KCNQ1: variants seen among roughly 807,000 people sequenced by gnomAD.
The protein encoded by KCNQ1 is potassium voltage-gated channel subfamily Q member 1, also known as potassium voltage-gated channel subfamily KQT member 1.
A neutral mutation model predicts 72.4 loss-of-function variants in KCNQ1; 49 were observed. That is an observed-to-expected ratio of 0.68 (90% CI 0.54 to 0.86). The LOEUF is 0.86. KCNQ1 is among the 40% of genes least tolerant of loss of function. The pLI is 0.00. For synonymous variants in KCNQ1, 450 were observed against 412.6 expected (o/e 1.09, Z -1.10); for missense variants, 790 against 945.1 (o/e 0.84, Z 2.15).
chr11:2,550,888 G>A lies in KCNQ1; in HGVS notation c.478-19740G>A, dbSNP rs534812650. 3.2e-4 allele frequency among the ~76,000 whole-genome samples: 48 copies of A among 152,144 alleles called. No individual in the cohort carries two copies. In the South Asian group the frequency reaches 9.3e-3, roughly 30 times the overall value. On this transcript the variant is annotated intron_variant, in intron 2 of 15. Transcript: ENST00000155840. This position sits in a 1 kb window ranked among gnomAD's most constrained non-coding sequence, Gnocchi z 6.0. ...TGGGGAGGCTGCCAAGTGAGGGGGG[G>A]GCACAGACTGAGACAGGGTCCCCGT... is the stretch of plus-strand genomic sequence containing the variant.
rs530607891 is a variant in KCNQ1, at chr11:2,651,384, G to A, written c.1394-10577G>A. On this transcript the variant is annotated intron_variant, in intron 10 of 15. Transcript: ENST00000155840. The surrounding 1 kb of genome is among the most constrained non-coding windows in gnomAD (Gnocchi z 6.1). ...ATCTTTCACTAGTGAGTGCTGCCCC[G>A]GTGGTGGCTCACTTTCCATTCCTTT... 14 of 398,714 alleles carry A rather than the reference G, an allele frequency of 3.5e-5. No homozygotes were observed. The Admixed American group carries it at 3.5e-4, about 10-fold the overall frequency. 24.7% of individuals were successfully genotyped at this position (398,714 alleles called of 1,614,324 possible).
rs965508053 is a variant in KCNQ1, at chr11:2,498,255, A to G, written c.387-29673A>G. Among the ~76,000 whole-genome samples, 5 of 152,200 alleles carry G rather than the reference A, an allele frequency of 3.3e-5. No homozygotes were observed. The highest frequency in any genetic ancestry group is 1.2e-4 in the African/African-American group (5 of 41,458). On this transcript the variant is annotated intron_variant, in intron 1 of 15. Transcript: ENST00000155840. The surrounding 1 kb of genome is among the most constrained non-coding windows in gnomAD (Gnocchi z 4.8). ...GCTGCTCTCTTCAGAGCCAGCAGGC[A>G]GGAGAGTTCAAGTCTGCTGAAGCTG...
intron 15 of KCNQ1, among the ~76,000 whole-genome samples, chr11:2,779,640 C>T (rs1306040969): frequency 6.6e-6 from 1 of 152,166 alleles, no homozygotes; most frequent in Non-Finnish European, 1.5e-5. Context: ...TCTGCCCCTG[C>T]TCCATGGGAC....
chr11:2,535,866 G>A (rs893304479), intron 2 of KCNQ1, among the ~76,000 whole-genome samples: 2 of 152,222 alleles, frequency 1.3e-5, no homozygotes, highest in South Asian at 2.1e-4. Flanking sequence ...GCTGCTCCCC[G>A]GAGGCAGCCA....
chr11:2,630,716 C>T, intron 10 of KCNQ1: 1 of 398,364 alleles, frequency 2.5e-6, no homozygotes, highest in Non-Finnish European at 4.4e-6. Context: ...AATTATCATC[C>T]TTCCATTTAA....
chr11:2,778,767 G>A (rs1846762600), intron 15 of KCNQ1, among the ~76,000 whole-genome samples: 1 of 152,258 alleles, frequency 6.6e-6, no homozygotes, highest in South Asian at 2.1e-4. Context: ...AAGTAGCTGA[G>A]AGGCTAAAAA....
In KCNQ1 at chr11:2,847,864, C is replaced by A. The variant is rs1432436411; in HGVS notation, c.1892C>A (p.Pro631His). Residue 631 changes from proline to histidine, a missense_variant, in exon 16 of 16, where the codon CCC becomes CAC. Coordinates refer to ENST00000155840, the MANE Select transcript of KCNQ1 (RefSeq NM_000218.3). The part of the protein sequence containing the change: ...GGSTPGSGGP[P>H]REGGAHITQP... ...AGCACCCCCGGCAGCGGCGGCCCCC[C>A]CAGAGAGGGCGGGGCCCACATCACC... 1 of 1,577,386 alleles carries A rather than the reference C, an allele frequency of 6.3e-7. No individual in the cohort carries two copies. Among genetic ancestry groups the A allele is most frequent in the Non-Finnish European group, 8.6e-7 (1 of 1,161,690 alleles).
At chr11:2,777,614 AG>A (rs1425672245) in intron 14 of KCNQ1, 15 of 574,136 alleles carry the variant, frequency 2.6e-5, no homozygotes, top group Admixed American at 1.6e-4. Context: ...GGTGTAACGG[AG>A]CAGCGGAATG....
chr11:2,773,831 G>A (rs1846644731), intron 12 of KCNQ1, among the ~76,000 whole-genome samples: 1 of 150,436 alleles, frequency 6.6e-6, no homozygotes, highest in African/African-American at 2.4e-5. Context: ...TACAGGAGAT[G>A]CTACCAGGTA....
At chr11:2,529,688 G>A (rs1316176796) in intron 2 of KCNQ1, among the ~76,000 whole-genome samples, 3 of 152,274 alleles carry the variant, frequency 2.0e-5, no homozygotes, top group Non-Finnish European at 2.9e-5. Flanking sequence ...GACTGTGGTC[G>A]TAGAAGTTTT....
rs1245904998 is a variant in KCNQ1 at position 2,679,985 on chromosome 11, C to T, written c.1514+17904C>T. ...CTCGGCTTACTGCAACCTCTACCTCCTGGGTTCAAGCAATTCTCCTGCCTT... is the reference window on the plus strand; with the variant it reads ...CTCGGCTTACTGCAACCTCTACCTCTTGGGTTCAAGCAATTCTCCTGCCTT... On this transcript the variant is annotated intron_variant, in intron 11 of 15. Transcript: ENST00000155840. The surrounding 1 kb of genome is among the most constrained non-coding windows in gnomAD (Gnocchi z 4.8). The T allele has an allele frequency of 2.5e-6, 1 of 396,984 alleles. No homozygotes were observed. The highest frequency in any genetic ancestry group is 2.1e-5 in the African/African-American group (1 of 48,512). The allele number at this position is 396,984 out of a possible 1,614,324, so 24.6% of individuals were successfully genotyped here.
rs147072676 is a variant in KCNQ1 at position 2,748,673 on chromosome 11, G to A, written c.1515-20171G>A. ...AGCAGGGACTCCCCACGCCAGGCCC[G>A]GCTGGATCACAGAGCTTCGGGTCCA... is the stretch of plus-strand genomic sequence containing the variant. On this transcript the variant is annotated intron_variant, in intron 11 of 15. Transcript: ENST00000155840. This position sits in a 1 kb window ranked among gnomAD's most constrained non-coding sequence, Gnocchi z 6.2. 1.2e-4 allele frequency among the ~76,000 whole-genome samples: 19 copies of A among 152,162 alleles called. No homozygotes were observed. Among genetic ancestry groups the A allele is most frequent in the East Asian group, 9.7e-4 (5 of 5,158 alleles).
At chr11:2,591,664 C>G (rs1240434084) in intron 10 of KCNQ1, among the ~76,000 whole-genome samples, 1 of 152,250 alleles carries the variant, frequency 6.6e-6, no homozygotes, top group Non-Finnish European at 1.5e-5. Flanking sequence ...TCCATTCAGC[C>G]TGGTTAGTGT....
chr11:2,806,741 C>T (rs1266998878), intron 15 of KCNQ1, among the ~76,000 whole-genome samples: 5 of 152,354 alleles, frequency 3.3e-5, no homozygotes, highest in South Asian at 2.1e-4. Context: ...GGAGTACGTT[C>T]GGGCTCAGGT....
Position 2,592,026 on chromosome 11 carries a change from C to A in KCNQ1, c.1393+3172C>A, listed in dbSNP as rs1022608269. On this transcript the variant is annotated intron_variant, in intron 10 of 15. Transcript: ENST00000155840. This position sits in a 1 kb window ranked among gnomAD's most constrained non-coding sequence, Gnocchi z 5.2. ...CGCAAGGCGGGTACGAACAGCCACA[C>A]TGAGTCCCCCGCAAAGTCAAACCCA... Among the ~76,000 whole-genome samples, 1 of 152,246 alleles carries A rather than the reference C, an allele frequency of 6.6e-6. No homozygotes were observed. Among genetic ancestry groups the A allele is most frequent in the Admixed American group, 6.5e-5 (1 of 15,276 alleles).
chr11:2,584,731 T>C (rs931499658), intron 7 of KCNQ1, among the ~76,000 whole-genome samples: 6 of 152,192 alleles, frequency 3.9e-5, no homozygotes, highest in Non-Finnish European at 5.9e-5. Flanking sequence ...TGTGTGTGTG[T>C]GCATCACACA....
intron 8 of KCNQ1, among the ~76,000 whole-genome samples, chr11:2,585,774 C>T (rs77721575): frequency 0.013 from 2,052 of 152,256 alleles, 12 homozygotes; most frequent in Non-Finnish European, 0.018. Context: ...TGAGGACTGG[C>T]GATGGATGGC....
At position 2,674,419 on chromosome 11, in the gene KCNQ1, G is replaced by A. The variant is rs1047781400; in HGVS notation, c.1514+12338G>A. On this transcript the variant is annotated intron_variant, in intron 11 of 15. Coordinates refer to ENST00000155840, the MANE Select transcript of KCNQ1 (RefSeq NM_000218.3). This position sits in a 1 kb window ranked among gnomAD's most constrained non-coding sequence, Gnocchi z 5.9. ...TGCGTGTGTGTGTGCGCGCCCGCGCGCACACGACCACAGAGGCTGGGGGGA... is the reference window on the plus strand; with the variant it reads ...TGCGTGTGTGTGTGCGCGCCCGCGCACACACGACCACAGAGGCTGGGGGGA... 1.9e-5 allele frequency: 3 copies of A among 159,888 alleles called. No homozygotes were observed. The highest frequency in any genetic ancestry group is 4.0e-5 in the Non-Finnish European group (3 of 75,314). The allele number at this position is 159,888 out of a possible 1,614,324, so 9.9% of individuals were successfully genotyped here. A position where few individuals can be genotyped will look rare whatever the true frequency, so the allele number is the denominator to read the frequency against.
At chr11:2,614,838 T>C in intron 10 of KCNQ1, 1 of 398,506 alleles carries the variant, frequency 2.5e-6, no homozygotes, top group African/African-American at 2.1e-5. Context: ...GTCTTCCAAC[T>C]TTGTTCTTTT....
Sources: allele counts gnomAD v4.1 joint callset (sites outside exome capture counted in the v4.1 genomes callset), GRCh38; gene constraint gnomAD v4.1.1; non-coding constraint Gnocchi (gnomAD v3.1); transcripts MANE v1.5; gene names NCBI Gene and HGNC (gene_info 2026-07-23, HGNC 2026-07-21).